GPCPD1: variants seen among roughly 807,000 people sequenced by gnomAD.
GPCPD1 encodes the protein glycerophosphocholine phosphodiesterase 1.
GPCPD1 carries 29 observed loss-of-function variants against 89.2 expected under a neutral mutation model. The ratio of observed to expected loss-of-function variants is 0.33; its 90% CI spans 0.24 to 0.44. The LOEUF is 0.44. Among genes scored for constraint, GPCPD1 ranks in the 20% least tolerant of loss-of-function variants. The pLI, the probability that GPCPD1 is intolerant of heterozygous loss-of-function variation, is 1.00. For synonymous variants in GPCPD1, 258 were observed against 266.3 expected (o/e 0.97, Z 0.30); for missense variants, 594 against 808.9 (o/e 0.73, Z 3.22).
At chr20:5,552,045 A>G (rs1165948475) in intron 19 of GPCPD1, among the ~76,000 whole-genome samples, 5 of 152,228 alleles carry the variant, frequency 3.3e-5, no homozygotes, top group Non-Finnish European at 7.3e-5. Context: ...TAAAGATTTG[A>G]GGGGACACGG....
Position 5,549,167 on chromosome 20 carries a change from CTAATTTACAT to C in GPCPD1, c.1830-1327_1830-1318del. 3 of 658,302 alleles carry C rather than the reference CTAATTTACAT, an allele frequency of 4.6e-6. No homozygotes were observed. In the Admixed American group the frequency reaches 5.7e-5, roughly 12 times the overall value. 40.8% of individuals were successfully genotyped at this position (658,302 alleles called of 1,614,324 possible). ...GAAAAACAAACAGGGAGGATGATGG[CTAATTTACAT>C]TGAACAAACAGCAGAGATGAAGGGA... On this transcript the variant is annotated intron_variant, in intron 19 of 19. Transcript: ENST00000379019.
intron 8 of GPCPD1, 30 bp downstream of exon 8, chr20:5,578,350 C>T: frequency 8.0e-7 from 1 of 1,253,120 alleles, no homozygotes; most frequent in Non-Finnish European, 1.2e-6. Context: ...TGCATTCTTT[C>T]TCAATCCCCT....
intron 2 of GPCPD1, among the ~76,000 whole-genome samples, chr20:5,599,715 C>T (rs2875990): frequency 0.39 from 59,432 of 151,342 alleles, 11,858 homozygotes; most frequent in East Asian, 0.48. Flanking sequence ...CCATCACAAC[C>T]GGCTAATTTT....
At chr20:5,603,807 C>A (rs1980354599) in intron 2 of GPCPD1, among the ~76,000 whole-genome samples, 1 of 148,800 alleles carries the variant, frequency 6.7e-6, no homozygotes, top group African/African-American at 2.5e-5. Context: ...AGTGCAATGG[C>A]ACGATCTCAG....
At chr20:5,564,728 T>A (rs1986284304) in intron 15 of GPCPD1, among the ~76,000 whole-genome samples, 1 of 152,018 alleles carries the variant, frequency 6.6e-6, no homozygotes, top group South Asian at 2.1e-4. Context: ...TTCCAGCTAT[T>A]TGAGAGACTG....
Position 5,575,876 on chromosome 20 carries a change from C to T in GPCPD1, c.808G>A (p.Gly270Arg). The T allele has an allele frequency of 6.2e-7, 1 of 1,609,082 alleles. No individual in the cohort carries two copies. Among genetic ancestry groups the T allele is most frequent in the Non-Finnish European group, 8.5e-7 (1 of 1,175,952 alleles). ...CTCATGATGGGAAGAGTAAGAATTC[C>T]AGCACTCTTTCCACTCTCAGCAATG... Reference protein sequence around the residue: ...STIAESGKSAGILTLPIMSRN... With the variant: ...STIAESGKSARILTLPIMSRN... Residue 270 changes from glycine (G) to arginine (R), a missense_variant, in exon 9 of 20, where the codon GGA (glycine) becomes AGA (arginine). Gly to Arg is a moderately radical substitution (Grantham distance 125). Transcript: ENST00000379019.
At position 5,547,856 on chromosome 20, in the gene GPCPD1, A is replaced by T; in HGVS notation, c.1830-6T>A. ...CAGGCATCCAATCATATATCCTATG[A>T]TGAAACAAATACAAAACACATAAAA... On this transcript the variant is annotated splice_polypyrimidine_tract_variant and splice_region_variant and intron_variant, in intron 19 of 19. Coordinates refer to ENST00000379019, the MANE Select transcript of GPCPD1 (RefSeq NM_019593.5). The T allele has an allele frequency of 6.5e-7, 1 of 1,528,902 alleles. No individual in the cohort carries two copies. The highest frequency in any genetic ancestry group is 1.8e-5 in the Admixed American group (1 of 56,960). The allele number at this position is 1,528,902 out of a possible 1,614,324, so 94.7% of individuals were successfully genotyped here.
At chr20:5,565,201 C>A in intron 14 of GPCPD1, 123 bp from the exon 15 acceptor site, 3 of 618,506 alleles carry the variant, frequency 4.9e-6, no homozygotes, top group South Asian at 1.9e-5. Flanking sequence ...TGAGCAAGCG[C>A]GAGAGCATAA....
At chr20:5,576,076 T>C in intron 8 of GPCPD1, 98 bp from the exon 9 acceptor site, 1 of 520,798 alleles carries the variant, frequency 1.9e-6, no homozygotes, top group Non-Finnish European at 3.4e-6. Context: ...CACACACACA[T>C]ATCTCCTATA....
chr20:5,578,166 G>C (rs552016401), intron 8 of GPCPD1, among the ~76,000 whole-genome samples: 12 of 152,288 alleles, frequency 7.9e-5, no homozygotes, highest in African/African-American at 2.9e-4. Context: ...ATCTGGTCTT[G>C]ATTGGAAACA....
At position 5,567,562 on chromosome 20, in the gene GPCPD1, T is replaced by TAAAAA; in HGVS notation, c.1150-7_1150-3dup. The TAAAAA allele has an allele frequency of 2.3e-6, 3 of 1,296,982 alleles. No individual in the cohort carries two copies. The highest frequency in any genetic ancestry group is 1.6e-5 in the South Asian group (1 of 63,620). The allele number at this position is 1,296,982 out of a possible 1,614,324, so 80.3% of individuals were successfully genotyped here. A position where few individuals can be genotyped will look rare whatever the true frequency, so the allele number is the denominator to read the frequency against. On this transcript the variant is annotated splice_region_variant and splice_polypyrimidine_tract_variant and intron_variant, in intron 12 of 19. Transcript: ENST00000379019. Reference sequence around the variant, plus strand: ...TTCAACTGGATCAGCATCAAATTTCTAAAAAAAAAAAAAAAAGAAAGAAAG... The same window carrying TAAAAA: ...TTCAACTGGATCAGCATCAAATTTCTAAAAAAAAAAAAAAAAAAAAAGAAAGAAAG...
intron 6 of GPCPD1, among the ~76,000 whole-genome samples, chr20:5,580,361 A>G (rs557872137): frequency 6.6e-6 from 1 of 152,208 alleles, no homozygotes; most frequent in South Asian, 2.1e-4. Flanking sequence ...TCTGAAGGAA[A>G]ACAATCCTTT....
Position 5,598,781 on chromosome 20 carries a change from T to G in GPCPD1, c.90A>C (p.Gly30=), listed in dbSNP as rs766944253. 1 of 1,613,382 alleles carries G rather than the reference T, an allele frequency of 6.2e-7. No individual in the cohort carries two copies. Among genetic ancestry groups the G allele is most frequent in the African/African-American group, 1.3e-5 (1 of 75,030 alleles). The change falls in exon 3 of 20, where the codon GGA becomes GGC. Residue 30 remains glycine (G), a synonymous_variant. Coordinates refer to ENST00000379019, the MANE Select transcript of GPCPD1 (RefSeq NM_019593.5). ...FAICGSCDAL[G]NWNPQNAVAL... is the part of the protein sequence containing the mutation. ...CCACAGCATTTTGAGGATTCCAGTT[T>G]CCCAAAGCATCACAGCTTCCACATA...
intron 17 of GPCPD1, 91 bp from the exon 18 acceptor site, chr20:5,558,910 A>G (rs538644659): frequency 3.0e-6 from 3 of 993,360 alleles, no homozygotes; most frequent in South Asian, 1.8e-5. Flanking sequence ...AAGTATAAAG[A>G]AAACAAACGA....
intron 11 of GPCPD1, among the ~76,000 whole-genome samples, 187 bp from the exon 12 acceptor site, chr20:5,570,426 CAAAAAAAA>C (rs36030193): frequency 2.3e-5 from 2 of 86,050 alleles, no homozygotes; most frequent in Non-Finnish European, 4.4e-5. Context: ...TTTTTCCTGG[CAAAAAAAA>C]AAAAAAAAAA....
chr20:5,575,555 G>GA lies in GPCPD1; in HGVS notation c.869-11dup, dbSNP rs779387349. ...ATAATTATATAGTCAACTTTCATAG[G>GA]AAAAAAGAGGGAGGAACAAAAATAA... is the stretch of plus-strand genomic sequence containing the variant. On this transcript the variant is annotated splice_polypyrimidine_tract_variant and intron_variant, in intron 9 of 19. Coordinates refer to ENST00000379019, the MANE Select transcript of GPCPD1 (RefSeq NM_019593.5). 9.8e-6 allele frequency: 15 copies of GA among 1,525,354 alleles called. No homozygotes were observed. The highest frequency in any genetic ancestry group is 1.3e-5 in the Non-Finnish European group (15 of 1,114,364). The allele number at this position is 1,525,354 out of a possible 1,614,324, so 94.5% of individuals were successfully genotyped here.
intron 3 of GPCPD1, 72 bp downstream of exon 3, chr20:5,598,653 A>T: frequency 1.2e-6 from 1 of 824,340 alleles, no homozygotes; most frequent in Non-Finnish European, 2.0e-6. Flanking sequence ...AAATACCAAG[A>T]TATCTTAAAA....
At chr20:5,603,303 T>G (rs191965973) in intron 2 of GPCPD1, among the ~76,000 whole-genome samples, 73 of 152,034 alleles carry the variant, frequency 4.8e-4, no homozygotes, top group Non-Finnish European at 7.8e-4. Context: ...AAAAAAAAAG[T>G]AATGTTTTCA....
chr20:5,561,373 A>G, intron 16 of GPCPD1, 92 bp downstream of exon 16: 1 of 663,760 alleles, frequency 1.5e-6, no homozygotes, highest in Non-Finnish European at 2.6e-6. Flanking sequence ...ATTTCAATTT[A>G]GCTTATTCCA....
Sources: allele counts gnomAD v4.1 joint callset (sites outside exome capture counted in the v4.1 genomes callset), GRCh38; gene constraint gnomAD v4.1.1; transcripts MANE v1.5; gene names NCBI Gene and HGNC (gene_info 2026-07-23, HGNC 2026-07-21).